The following EIF4G3 variants were observed in gnomAD, a reference collection of about 807,000 sequenced individuals.
EIF4G3 encodes the protein eukaryotic translation initiation factor 4 gamma 3.
In EIF4G3, 34 loss-of-function variants were observed where a neutral mutation model predicts 186.4. The observed-to-expected ratio is 0.18, with a 90% CI of 0.14 to 0.24. The LOEUF (loss-of-function observed/expected upper bound fraction) is 0.24, where lower values mean the gene tolerates loss of function less well. Among genes scored for constraint, EIF4G3 ranks in the 10% least tolerant of loss-of-function variants. The pLI, the probability that EIF4G3 is intolerant of heterozygous loss-of-function variation, is 1.00. For synonymous variants in EIF4G3, 673 were observed against 679.5 expected (o/e 0.99, Z 0.15); for missense variants, 1,536 against 1,948.5 (o/e 0.79, Z 3.99).
chr1:21,137,772 A>G (rs1444870125), intron 2 of EIF4G3, among the ~76,000 whole-genome samples: 2 of 142,438 alleles, frequency 1.4e-5, no homozygotes, highest in Non-Finnish European at 3.1e-5. Context: ...GTGAGCTACA[A>G]TGGGCCACTG....
intron 20 of EIF4G3, among the ~76,000 whole-genome samples, chr1:20,869,960 A>T (rs1000341677): frequency 6.6e-6 from 1 of 152,186 alleles, no homozygotes; most frequent in Non-Finnish European, 1.5e-5. Context: ...CTATGAACAC[A>T]TCTATCAAAA....
chr1:21,123,238 C>CA (rs1371416516), intron 2 of EIF4G3, among the ~76,000 whole-genome samples: 1 of 151,780 alleles, frequency 6.6e-6, no homozygotes, highest in Middle Eastern at 3.2e-3. Flanking sequence ...AACAGTTCAT[C>CA]AAAAAAAGAA....
chr1:21,087,125 ATTAT>A (rs1242404192), intron 3 of EIF4G3, among the ~76,000 whole-genome samples: 1 of 152,118 alleles, frequency 6.6e-6, no homozygotes, highest in African/African-American at 2.4e-5. Context: ...TTATATTAGA[ATTAT>A]TTATTTTCTT....
intron 2 of EIF4G3, among the ~76,000 whole-genome samples, chr1:21,094,753 TAGAACTTA>T (rs1181594730): frequency 1.1e-4 from 15 of 135,114 alleles, no homozygotes; most frequent in Non-Finnish European, 2.2e-4. Flanking sequence ...ACATGTACCC[TAGAACTTA>T]AAGTATAATA....
At chr1:20,821,148 G>T (rs1406800171) in intron 33 of EIF4G3, among the ~76,000 whole-genome samples, 2 of 152,168 alleles carry the variant, frequency 1.3e-5, no homozygotes, top group Non-Finnish European at 2.9e-5. Flanking sequence ...AAATACTTTT[G>T]ATAGTCACAG....
chr1:21,141,786 T>G (rs1462056904), intron 2 of EIF4G3, among the ~76,000 whole-genome samples: 2 of 151,878 alleles, frequency 1.3e-5, no homozygotes, highest in African/African-American at 2.4e-5. Context: ...TATAACTTAG[T>G]CAGCCGTGGT....
intron 16 of EIF4G3, among the ~76,000 whole-genome samples, chr1:20,895,837 T>G (rs1405967774): frequency 6.6e-6 from 1 of 152,218 alleles, no homozygotes; most frequent in African/African-American, 2.4e-5. Flanking sequence ...GGCTTATGTA[T>G]CTACTGTACT....
intron 14 of EIF4G3, among the ~76,000 whole-genome samples, chr1:20,930,709 T>G (rs2095266737): frequency 6.6e-6 from 1 of 152,214 alleles, no homozygotes; most frequent in Non-Finnish European, 1.5e-5. Context: ...AGGCTCCACT[T>G]CTAATTCTAG....
At chr1:20,844,860 CA>C (rs1047250240) in intron 29 of EIF4G3, among the ~76,000 whole-genome samples, 1 of 151,736 alleles carries the variant, frequency 6.6e-6, no homozygotes. Flanking sequence ...AAGACAACAA[CA>C]AAAAAAACCT....
At chr1:20,874,098 C>A (rs961320845) in intron 20 of EIF4G3, among the ~76,000 whole-genome samples, 1 of 152,092 alleles carries the variant, frequency 6.6e-6, no homozygotes, top group African/African-American at 2.4e-5. Context: ...CATTGATGGG[C>A]ATTTGGGTTG....
At chr1:21,097,116 T>C (rs1176495164) in intron 2 of EIF4G3, among the ~76,000 whole-genome samples, 1 of 152,188 alleles carries the variant, frequency 6.6e-6, no homozygotes, top group African/African-American at 2.4e-5. Flanking sequence ...GACTATGGAA[T>C]AGTCAGAGGA....
chr1:20,908,149 G>C (rs1205235705), intron 14 of EIF4G3, among the ~76,000 whole-genome samples: 2 of 152,152 alleles, frequency 1.3e-5, no homozygotes. Context: ...GGCCAGTGAT[G>C]ATGAGCATTT....
intron 10 of EIF4G3, among the ~76,000 whole-genome samples, chr1:20,978,209 T>C (rs999676285): frequency 4.6e-5 from 7 of 152,100 alleles, no homozygotes; most frequent in African/African-American, 1.4e-4. Flanking sequence ...TACATAAAAA[T>C]GGTGACAAAG....
chr1:21,044,845 C>A (rs1034044882), intron 4 of EIF4G3, among the ~76,000 whole-genome samples: 2 of 152,036 alleles, frequency 1.3e-5, no homozygotes, highest in East Asian at 1.9e-4. Flanking sequence ...GAGACAGGGT[C>A]TCAGAAGGGC....
chr1:21,027,757 C>T (rs2092321038), intron 4 of EIF4G3, among the ~76,000 whole-genome samples: 1 of 152,068 alleles, frequency 6.6e-6, no homozygotes, highest in African/African-American at 2.4e-5. Flanking sequence ...ATAGGAATAA[C>T]CATACAGTTC....
chr1:20,835,024 A>G (rs1196681110), intron 30 of EIF4G3, among the ~76,000 whole-genome samples: 2 of 149,764 alleles, frequency 1.3e-5, no homozygotes, highest in African/African-American at 4.9e-5. Flanking sequence ...CATATCAAGT[A>G]TCTTTTTGGA....
At chr1:21,144,865 A>G (rs1398485168) in intron 2 of EIF4G3, among the ~76,000 whole-genome samples, 3 of 152,194 alleles carry the variant, frequency 2.0e-5, no homozygotes, top group Non-Finnish European at 4.4e-5. Context: ...CTTGGTCACT[A>G]ATATCAACAC....
intron 12 of EIF4G3, among the ~76,000 whole-genome samples, chr1:20,966,006 A>G (rs147727484): frequency 6.6e-6 from 1 of 152,202 alleles, no homozygotes; most frequent in African/African-American, 2.4e-5. Context: ...TCCCTGTTCT[A>G]TTTCACATGT....
chr1:20,983,822 A>C (rs1336182251), intron 7 of EIF4G3, among the ~76,000 whole-genome samples: 1 of 152,238 alleles, frequency 6.6e-6, no homozygotes, highest in Non-Finnish European at 1.5e-5. Context: ...TGCCTGAAGA[A>C]ATAGGGTGTT....
Sources: allele counts gnomAD v4.1 joint callset (sites outside exome capture counted in the v4.1 genomes callset), GRCh38; gene constraint gnomAD v4.1.1; transcripts MANE v1.5; gene names NCBI Gene and HGNC (gene_info 2026-07-23, HGNC 2026-07-21).